The following SLC13A3 variants were observed in gnomAD, a reference collection of about 807,000 sequenced individuals.
SLC13A3 encodes the protein Na(+)/dicarboxylate cotransporter 3.
SLC13A3 carries 40 observed loss-of-function variants against 59.0 expected under a neutral mutation model. The ratio of observed to expected loss-of-function variants is 0.68; its 90% confidence interval spans 0.53 to 0.88. The LOEUF is 0.88. SLC13A3 is among the 40% of genes least tolerant of loss of function. The probability of loss-of-function intolerance (pLI) is 0.00; values close to 1 mark genes in which losing one functional copy is unlikely to be tolerated. For missense variants in SLC13A3, 699 were observed against 783.2 expected (o/e 0.89, Z 1.28); for synonymous variants, 317 against 330.3 (o/e 0.96, Z 0.44).
Position 46,610,559 on chromosome 20 carries a change from C to T in SLC13A3, c.428G>A (p.Ser143Asn). 2 of 1,614,140 alleles carry T rather than the reference C, an allele frequency of 1.2e-6. No homozygotes were observed. Among genetic ancestry groups the T allele is most frequent in the East Asian group, 2.2e-5 (1 of 44,878 alleles). The change falls in exon 3 of 13, where the codon AGC (serine) becomes AAC (asparagine). Residue 143 changes from serine to asparagine, a missense_variant. Physicochemically the swap from Ser to Asn is conservative, Grantham distance 46. Transcript: ENST00000279027. ...VTTSFLSMWL[S>N]NTASTAMMLP... ...CATCATGGCAGTGGAGGCGGTGTTG[C>T]TCAGCCACATGGACAAGAACGAGGT...
chr20:46,579,697 C>T (rs1568917583), intron 9 of SLC13A3, among the ~76,000 whole-genome samples: 1 of 152,212 alleles, frequency 6.6e-6, no homozygotes, highest in Non-Finnish European at 1.5e-5. Context: ...ACTTAACACA[C>T]ATGTTTTAGT....
intron 1 of SLC13A3, among the ~76,000 whole-genome samples, chr20:46,639,352 CTCG>C (rs2062824662): frequency 6.6e-6 from 1 of 152,136 alleles, no homozygotes; most frequent in African/African-American, 2.4e-5. Flanking sequence ...ATCCCAGCTA[CTCG>C]GGAGGCTGAG....
chr20:46,632,913 A>C (rs962214404), intron 1 of SLC13A3, among the ~76,000 whole-genome samples: 8 of 56,850 alleles, frequency 1.4e-4, no homozygotes, highest in South Asian at 7.8e-4. Flanking sequence ...AGATAGATAT[A>C]TCTATCTATC....
chr20:46,674,795 G>C (rs915375084), upstream of SLC13A3, among the ~76,000 whole-genome samples: 19 of 152,138 alleles, frequency 1.2e-4, no homozygotes, highest in African/African-American at 4.3e-4. Flanking sequence ...ATTAGGGCTA[G>C]AGCAGTGAAC....
At chr20:46,579,648 C>T (rs922493878) in intron 9 of SLC13A3, among the ~76,000 whole-genome samples, 1 of 152,172 alleles carries the variant, frequency 6.6e-6, no homozygotes, top group African/African-American at 2.4e-5. Context: ...GTTCAAAGAC[C>T]CCTGGGCTAA....
At position 46,585,920 on chromosome 20, in the gene SLC13A3, G is replaced by T. The variant is rs79750545; in HGVS notation, c.1121+2139C>A. ...TGAGGCCCAGAAGGTGAGATATCTG[G>T]ATTGTGCACTGCCCAGTATGGTAGC... On this transcript the variant is annotated intron_variant, in intron 8 of 12. Transcript: ENST00000279027. Among the ~76,000 whole-genome samples, 1,417 of 152,218 alleles carry T rather than the reference G, an allele frequency of 9.3e-3. 20 individuals carry two copies. Among genetic ancestry groups the T allele is most frequent in the African/African-American group, 0.032 (1,344 of 41,536 alleles).
chr20:46,657,757 T>C (rs1043615842), intron 1 of SLC13A3, among the ~76,000 whole-genome samples: 1 of 152,136 alleles, frequency 6.6e-6, no homozygotes, highest in Non-Finnish European at 1.5e-5. Flanking sequence ...GGGGAGGCCT[T>C]GGGGAGCTTT....
chr20:46,655,056 G>A (rs1005741546), upstream of SLC13A3, among the ~76,000 whole-genome samples: 15 of 152,102 alleles, frequency 9.9e-5, no homozygotes, highest in African/African-American at 3.6e-4. Context: ...TTCTCCATAG[G>A]TAAGGTTCAT....
At chr20:46,596,619 G>A (rs2062315592) in intron 4 of SLC13A3, among the ~76,000 whole-genome samples, 1 of 152,202 alleles carries the variant, frequency 6.6e-6, no homozygotes, top group South Asian at 2.1e-4. Context: ...AAAAGGGGCT[G>A]ATAATAAAGA....
chr20:46,563,696 C>T, intron 11 of SLC13A3, 145 bp from the exon 12 acceptor site: 2 of 825,650 alleles, frequency 2.4e-6, no homozygotes, highest in Non-Finnish European at 1.8e-6. Context: ...TAGAGATTGG[C>T]AGAGTGGCAG....
intron 1 of SLC13A3, among the ~76,000 whole-genome samples, chr20:46,662,719 T>A (rs2063038733): frequency 6.6e-6 from 1 of 152,196 alleles, no homozygotes; most frequent in Non-Finnish European, 1.5e-5. Flanking sequence ...TCAGCTCCTA[T>A]AGGCATGGCA....
intron 1 of SLC13A3, among the ~76,000 whole-genome samples, chr20:46,629,501 T>G (rs942485058): frequency 6.6e-5 from 10 of 152,240 alleles, no homozygotes; most frequent in African/African-American, 2.4e-4. Context: ...ATTTTATTTT[T>G]TTCTTCAGGA....
At chr20:46,610,994 C>T (rs916111842) in intron 2 of SLC13A3, among the ~76,000 whole-genome samples, 1 of 152,082 alleles carries the variant, frequency 6.6e-6, no homozygotes, top group Non-Finnish European at 1.5e-5. Context: ...CTCCCTGCTG[C>T]GACTCTGCTG....
At chr20:46,654,257 T>G (rs753658218), upstream of SLC13A3, among the ~76,000 whole-genome samples, 1 of 152,212 alleles carries the variant, frequency 6.6e-6, no homozygotes, top group Non-Finnish European at 1.5e-5. Flanking sequence ...TTTGGAGAAA[T>G]GTCTATCCAG....
chr20:46,563,366 C>G, intron 12 of SLC13A3, 48 bp downstream of exon 12: 1 of 1,588,038 alleles, frequency 6.3e-7, no homozygotes, highest in Non-Finnish European at 8.6e-7. Flanking sequence ...CGCCCCCTTG[C>G]GGCCCACCCA....
At chr20:46,561,721 G>T (rs1372042596) in intron 12 of SLC13A3, among the ~76,000 whole-genome samples, 1 of 151,352 alleles carries the variant, frequency 6.6e-6, no homozygotes, top group Non-Finnish European at 1.5e-5. Flanking sequence ...TACCACGGAC[G>T]GGTGGGGGAC....
At chr20:46,671,745 T>C (rs2063093459), upstream of SLC13A3, among the ~76,000 whole-genome samples, 1 of 152,116 alleles carries the variant, frequency 6.6e-6, no homozygotes, top group African/African-American at 2.4e-5. Flanking sequence ...AGCTCACCCA[T>C]TGGAGGAGTC....
chr20:46,564,055 C>G (rs2061958725), intron 11 of SLC13A3, among the ~76,000 whole-genome samples: 1 of 152,178 alleles, frequency 6.6e-6, no homozygotes, highest in South Asian at 2.1e-4. Context: ...TGACGTGTTC[C>G]CCCGGTGCTG....
intron 10 of SLC13A3, among the ~76,000 whole-genome samples, chr20:46,567,595 A>G (rs1033277325): frequency 1.1e-4 from 17 of 152,126 alleles, no homozygotes; most frequent in African/African-American, 3.4e-4. Flanking sequence ...TGCTGACTCC[A>G]GTCCTCCAGG....
Sources: allele counts gnomAD v4.1 joint callset (sites outside exome capture counted in the v4.1 genomes callset), GRCh38; gene constraint gnomAD v4.1.1; transcripts MANE v1.5; gene names NCBI Gene and HGNC (gene_info 2026-07-23, HGNC 2026-07-21).